RABGAP1L: variants seen among roughly 807,000 people sequenced by gnomAD.
The protein encoded by RABGAP1L is RAB GTPase activating protein 1 like, also known as rab GTPase-activating protein 1-like.
A neutral mutation model predicts 137.7 loss-of-function variants in RABGAP1L; 63 were observed. That is an observed-to-expected ratio of 0.46 (90% confidence interval 0.37 to 0.56). RABGAP1L has a LOEUF of 0.56. RABGAP1L is among the 20% of genes least tolerant of loss of function. RABGAP1L has a pLI of 0.00. For missense variants in RABGAP1L, 1,095 were observed against 1,244.0 expected (o/e 0.88, Z 1.80); for synonymous variants, 431 against 433.7 (o/e 0.99, Z 0.08).
In RABGAP1L at chr1:174,682,459, TAA is replaced by T. The variant is rs71743862; in HGVS notation, c.1825-1049_1825-1048del. ...TGGTTTTACATTTTAAAAAGTTGTT[TAA>T]AAAAAAAAAAAAAGTCCTGTCCCTT... On this transcript the variant is annotated intron_variant, in intron 14 of 25. Coordinates refer to ENST00000681986, the MANE Select transcript of RABGAP1L (RefSeq NM_001366446.1). Among the ~76,000 whole-genome samples the T allele has an allele frequency of 5.3e-3, 738 of 140,508 alleles. 6 individuals are homozygous for T. The highest frequency in any genetic ancestry group is 0.017 in the African/African-American group (670 of 39,228). 92.2% of individuals were successfully genotyped at this position (140,508 alleles called of 152,430 possible).
At chr1:174,973,203 G>A (rs1345468273) in intron 21 of RABGAP1L, among the ~76,000 whole-genome samples, 1 of 152,170 alleles carries the variant, frequency 6.6e-6, no homozygotes, top group Non-Finnish European at 1.5e-5. Context: ...TGCTGCAGAT[G>A]TTGTATATGG....
intron 13 of RABGAP1L, among the ~76,000 whole-genome samples, chr1:174,622,021 A>T (rs1012462312): frequency 2.6e-5 from 4 of 152,082 alleles, no homozygotes. Flanking sequence ...AAAGCAAACA[A>T]CCCCATCAAA....
At chr1:174,645,466 C>T (rs1385613860) in intron 14 of RABGAP1L, among the ~76,000 whole-genome samples, 5 of 151,180 alleles carry the variant, frequency 3.3e-5, no homozygotes, top group African/African-American at 9.7e-5. Context: ...GCAACTCCCA[C>T]TTATGAATGA....
intron 20 of RABGAP1L, among the ~76,000 whole-genome samples, chr1:174,964,064 A>G (rs1015512853): frequency 1.2e-4 from 19 of 152,308 alleles, no homozygotes; most frequent in African/African-American, 4.6e-4. Flanking sequence ...TCAAATATCC[A>G]TATTTTCTTT....
chr1:174,325,152 A>G (rs1450881393), intron 11 of RABGAP1L, among the ~76,000 whole-genome samples: 1 of 152,222 alleles, frequency 6.6e-6, no homozygotes, highest in Non-Finnish European at 1.5e-5. Context: ...GCACTTAACC[A>G]TACAGTTTCC....
Position 174,562,859 on chromosome 1 carries a change from TG to T in RABGAP1L, c.1711-74510del, listed in dbSNP as rs1667314754. ...TCATACACTGGGATCTGTGAGGGGC[TG>T]GGGGGCTAGGAGAGGGATAACATTA... On this transcript the variant is annotated intron_variant, in intron 13 of 25. Coordinates refer to ENST00000681986, the MANE Select transcript of RABGAP1L (RefSeq NM_001366446.1). 2.0e-5 allele frequency among the ~76,000 whole-genome samples: 3 copies of T among 151,918 alleles called. No homozygotes were observed. The South Asian group carries it at 6.2e-4, about 32-fold the overall frequency.
At chr1:174,312,447 C>T (rs1043363243) in intron 11 of RABGAP1L, among the ~76,000 whole-genome samples, 11 of 151,898 alleles carry the variant, frequency 7.2e-5, no homozygotes, top group South Asian at 4.2e-4. Flanking sequence ...TCAGATTATT[C>T]GATTTTTTTC....
chr1:174,983,602 A>G (rs990479465), intron 24 of RABGAP1L, among the ~76,000 whole-genome samples: 1 of 152,206 alleles, frequency 6.6e-6, no homozygotes, highest in African/African-American at 2.4e-5. Flanking sequence ...ACTAGTAAAT[A>G]AATGTGTAGT....
At chr1:174,225,191 C>T (rs188324558) in intron 3 of RABGAP1L, among the ~76,000 whole-genome samples, 5 of 151,948 alleles carry the variant, frequency 3.3e-5, no homozygotes, top group Admixed American at 6.5e-5. Flanking sequence ...CTATTGAGAT[C>T]GTCTGATGAA....
chr1:174,798,398 G>A (rs560208455), intron 18 of RABGAP1L, among the ~76,000 whole-genome samples: 8 of 149,932 alleles, frequency 5.3e-5, no homozygotes, highest in African/African-American at 7.4e-5. Context: ...GCGACAATCC[G>A]TTTCAAACAA....
At chr1:174,377,297 T>A (rs1447124754) in intron 12 of RABGAP1L, among the ~76,000 whole-genome samples, 1 of 152,184 alleles carries the variant, frequency 6.6e-6, no homozygotes, top group Non-Finnish European at 1.5e-5. Context: ...ATCTTAAAAT[T>A]AGTGCATTTC....
chr1:174,486,068 G>A lies in RABGAP1L; in HGVS notation c.1710+91923G>A, dbSNP rs531873510. On this transcript the variant is annotated intron_variant, in intron 13 of 25. Coordinates refer to ENST00000681986, the MANE Select transcript of RABGAP1L (RefSeq NM_001366446.1). Reference sequence around the variant, plus strand: ...CTTCCTTGTTCACTCTTGGTAGGTTGGCTATATCTAGGAATTTATACATTT... The same window carrying A: ...CTTCCTTGTTCACTCTTGGTAGGTTAGCTATATCTAGGAATTTATACATTT... Among the ~76,000 whole-genome samples, 12 of 151,914 alleles carry A rather than the reference G, an allele frequency of 7.9e-5. 1 individual carries two copies. The highest frequency in any genetic ancestry group is 2.9e-4 in the African/African-American group (12 of 41,428).
chr1:174,611,650 A>G (rs1671264192), intron 13 of RABGAP1L, among the ~76,000 whole-genome samples: 1 of 150,758 alleles, frequency 6.6e-6, no homozygotes, highest in Admixed American at 6.6e-5. Flanking sequence ...CTTGGGCAGT[A>G]TGGCCATTTT....
chr1:174,973,384 C>T (rs75382979), intron 21 of RABGAP1L, among the ~76,000 whole-genome samples: 1,999 of 93,880 alleles, frequency 0.021, 42 homozygotes, highest in South Asian at 0.032. Flanking sequence ...TCTTTCATTT[C>T]TTTTTTTTTT....
intron 13 of RABGAP1L, among the ~76,000 whole-genome samples, chr1:174,529,223 T>C (rs1438193501): frequency 2.0e-5 from 3 of 152,110 alleles, no homozygotes; most frequent in African/African-American, 7.2e-5. Flanking sequence ...GTTTTCTGTG[T>C]TATTACATTA....
intron 18 of RABGAP1L, among the ~76,000 whole-genome samples, chr1:174,763,882 G>C (rs1381181725): frequency 6.6e-6 from 1 of 150,900 alleles, no homozygotes; most frequent in African/African-American, 2.4e-5. Flanking sequence ...GGTTTGTAGG[G>C]TTGTCACAAA....
intron 13 of RABGAP1L, among the ~76,000 whole-genome samples, chr1:174,480,788 C>T (rs1002925642): frequency 2.6e-5 from 4 of 152,192 alleles, no homozygotes; most frequent in Non-Finnish European, 5.9e-5. Context: ...AACATGCCAT[C>T]GGGGCAATTA....
At chr1:174,433,577 C>T (rs999919951) in intron 13 of RABGAP1L, among the ~76,000 whole-genome samples, 11 of 152,136 alleles carry the variant, frequency 7.2e-5, no homozygotes, top group Admixed American at 6.6e-4. Flanking sequence ...GTATAACTGG[C>T]ATTTGATATG....
At chr1:174,188,325 T>C (rs1053376089) in intron 1 of RABGAP1L, among the ~76,000 whole-genome samples, 11 of 152,346 alleles carry the variant, frequency 7.2e-5, no homozygotes, top group Non-Finnish European at 1.3e-4. Flanking sequence ...TTTTGGTCTT[T>C]GAAGTGTATA....
Sources: allele counts gnomAD v4.1 joint callset (sites outside exome capture counted in the v4.1 genomes callset), GRCh38; gene constraint gnomAD v4.1.1; transcripts MANE v1.5; gene names NCBI Gene and HGNC (gene_info 2026-07-23, HGNC 2026-07-21).